FGF14: variants seen among roughly 807,000 people sequenced by gnomAD.
The protein encoded by FGF14 is fibroblast growth factor 14.
Under a neutral mutation model 25.5 loss-of-function variants are expected in FGF14, and 5 were observed. That is an observed-to-expected ratio of 0.20 (90% confidence interval 0.10 to 0.41). FGF14 has a LOEUF of 0.41. FGF14 is among the 10% of genes least tolerant of loss of function. The pLI, the probability that FGF14 is intolerant of heterozygous loss-of-function variation, is 1.00. For missense variants in FGF14, 222 were observed against 320.1 expected, an observed-to-expected ratio of 0.69 and a Z score of 2.34; for synonymous variants, 138 against 118.3, an observed-to-expected ratio of 1.17 and a Z score of -1.08.
At chr13:101,923,033 T>A (rs1594741239) in intron 1 of FGF14, among the ~76,000 whole-genome samples, 1 of 152,104 alleles carries the variant, frequency 6.6e-6, no homozygotes, top group Non-Finnish European at 1.5e-5. Context: ...TTAAGATTAT[T>A]TTAGGTACTT....
At chr13:102,104,922 G>T (rs997442670) in intron 1 of FGF14, among the ~76,000 whole-genome samples, 2 of 152,124 alleles carry the variant, frequency 1.3e-5, no homozygotes, top group Admixed American at 6.6e-5. Context: ...AGACATAGGG[G>T]TATTTAGAGA....
chr13:101,981,098 C>CACAG (rs1287259178), intron 1 of FGF14, among the ~76,000 whole-genome samples: 2 of 150,342 alleles, frequency 1.3e-5, no homozygotes, highest in Non-Finnish European at 3.0e-5. Context: ...CACACACACA[C>CACAG]ACACACACAC....
intron 1 of FGF14, among the ~76,000 whole-genome samples, chr13:102,269,535 A>G (rs2053147659): frequency 6.6e-6 from 1 of 152,080 alleles, no homozygotes; most frequent in Non-Finnish European, 1.5e-5. Context: ...TCTTTATTTT[A>G]TTTTGTATTT....
Position 101,789,671 on chromosome 13 carries a change from A to C in FGF14, c.409-62861T>G, listed in dbSNP as rs1335544564. Among the ~76,000 whole-genome samples the C allele has an allele frequency of 4.6e-5, 7 of 152,224 alleles. No individual in the cohort carries two copies. In the South Asian group the frequency reaches 1.5e-3, roughly 32 times the overall value. On this transcript the variant is annotated intron_variant, in intron 3 of 4. Transcript: ENST00000376143. The stretch of plus-strand genomic sequence containing the variant: ...AAAAGGTTCCAGTAAAATTCAAAGG[A>C]TCTCAGGACTACCCGAGGTAAACTG...
intron 1 of FGF14, among the ~76,000 whole-genome samples, chr13:101,915,689 T>A (rs1168808161): frequency 6.6e-6 from 1 of 152,230 alleles, no homozygotes; most frequent in Non-Finnish European, 1.5e-5. Context: ...TCTAGTCACC[T>A]TTATATAGTA....
chr13:102,117,540 G>T (rs2045529988), intron 1 of FGF14, among the ~76,000 whole-genome samples: 1 of 142,964 alleles, frequency 7.0e-6, no homozygotes. Context: ...CATATCTCTA[G>T]AAGTACAAAA....
chr13:102,103,073 G>GC (rs1157124899), intron 1 of FGF14, among the ~76,000 whole-genome samples: 1 of 152,122 alleles, frequency 6.6e-6, no homozygotes, highest in East Asian at 1.9e-4. Flanking sequence ...CTAACAACTT[G>GC]CCATCCTTCA....
intron 3 of FGF14, among the ~76,000 whole-genome samples, chr13:101,740,106 T>G (rs1466306586): frequency 6.6e-6 from 1 of 152,170 alleles, no homozygotes; most frequent in Non-Finnish European, 1.5e-5. Flanking sequence ...AGGTGAAATC[T>G]TTAGTGTTGT....
rs143908468 is a variant in FGF14 at position 102,363,790 on chromosome 13, GT to G, written c.208+37680del. On this transcript the variant is annotated intron_variant, in intron 1 of 4. Transcript: ENST00000376131. The stretch of plus-strand genomic sequence containing the variant: ...AGTTTGATTGATTTCTTCTCTATCT[GT>G]CTTCCACAAATGTATAGCCAAGATT... 9.3e-3 allele frequency among the ~76,000 whole-genome samples: 1,414 copies of G among 152,200 alleles called. 20 individuals carry two copies. The highest frequency in any genetic ancestry group is 0.032 in the African/African-American group (1,346 of 41,518).
At chr13:102,158,741 C>A (rs537219604) in intron 1 of FGF14, among the ~76,000 whole-genome samples, 222 of 152,160 alleles carry the variant, frequency 1.5e-3, no homozygotes, top group Middle Eastern at 6.8e-3. Context: ...TGGAGATCTA[C>A]AAACTGGTTT....
chr13:101,872,598 T>C (rs2045162679), intron 2 of FGF14, among the ~76,000 whole-genome samples: 1 of 152,078 alleles, frequency 6.6e-6, no homozygotes, highest in Admixed American at 6.6e-5. Context: ...GCAATTTGCA[T>C]AGGCCAGAGG....
chr13:102,109,771 C>T (rs1163503832), intron 1 of FGF14, among the ~76,000 whole-genome samples: 1 of 152,122 alleles, frequency 6.6e-6, no homozygotes, highest in Non-Finnish European at 1.5e-5. Context: ...AGGCACCTGC[C>T]ACAACGCCCA....
chr13:102,254,207 G>T (rs1032042621), intron 1 of FGF14, among the ~76,000 whole-genome samples: 1 of 152,182 alleles, frequency 6.6e-6, no homozygotes, highest in Non-Finnish European at 1.5e-5. Context: ...CCTTTATAAA[G>T]TTAACTTGGT....
chr13:102,050,549 AC>A (rs547189352), intron 1 of FGF14, among the ~76,000 whole-genome samples: 136 of 152,322 alleles, frequency 8.9e-4, no homozygotes, highest in African/African-American at 3.0e-3. Flanking sequence ...TGATTGAGAA[AC>A]AAAATTAATT....
chr13:102,064,573 A>C (rs1566638733), intron 1 of FGF14, among the ~76,000 whole-genome samples: 1 of 152,006 alleles, frequency 6.6e-6, no homozygotes, highest in African/African-American at 2.4e-5. Context: ...AAAGCATAAA[A>C]ATGAAAATAA....
chr13:102,286,921 C>T (rs967878345), intron 1 of FGF14, among the ~76,000 whole-genome samples: 1 of 151,850 alleles, frequency 6.6e-6, no homozygotes, highest in Non-Finnish European at 1.5e-5. Context: ...CTGGTCATTC[C>T]CTCCCTATCT....
intron 1 of FGF14, among the ~76,000 whole-genome samples, chr13:101,951,054 A>G (rs1055615381): frequency 1.7e-4 from 26 of 152,130 alleles, no homozygotes; most frequent in African/African-American, 6.0e-4. Context: ...AATTCTAACT[A>G]AAGAAAATAG....
intron 1 of FGF14, among the ~76,000 whole-genome samples, chr13:101,985,114 A>G (rs1031165048): frequency 6.7e-6 from 1 of 149,786 alleles, no homozygotes; most frequent in Non-Finnish European, 1.5e-5. Flanking sequence ...GCAACAAAAA[A>G]TTATCTCAGA....
chr13:101,975,331 C>T (rs2037855657), intron 1 of FGF14, among the ~76,000 whole-genome samples: 1 of 152,164 alleles, frequency 6.6e-6, no homozygotes, highest in Admixed American at 6.5e-5. Flanking sequence ...CACATCAGTA[C>T]CTTCAGCTCC....
Sources: allele counts gnomAD v4.1 joint callset (sites outside exome capture counted in the v4.1 genomes callset), GRCh38; gene constraint gnomAD v4.1.1; transcripts MANE v1.5; gene names NCBI Gene and HGNC (gene_info 2026-07-23, HGNC 2026-07-21).